The following CUX1 variants were observed in gnomAD, a reference collection of about 807,000 sequenced individuals.
The protein encoded by CUX1 is cut like homeobox 1.
CUX1 carries 31 observed loss-of-function variants against 158.8 expected under a neutral mutation model. The ratio of observed to expected loss-of-function variants is 0.20; its 90% CI spans 0.15 to 0.26. The LOEUF (loss-of-function observed/expected upper bound fraction) is 0.26. CUX1 is among the 10% of genes least tolerant of loss of function. CUX1 has a pLI of 1.00. For missense variants in CUX1, 1,589 were observed against 2,014.6 expected (o/e 0.79, Z 4.04); for synonymous variants, 879 against 862.1 (o/e 1.02, Z -0.34).
At chr7:101,897,320 C>T (rs941386269) in intron 1 of CUX1, among the ~76,000 whole-genome samples, 2 of 152,016 alleles carry the variant, frequency 1.3e-5, no homozygotes, top group African/African-American at 2.4e-5. Context: ...GGCAACATAT[C>T]GAGGCCTCAT....
chr7:102,123,811 T>C (rs1469959101), intron 8 of CUX1, among the ~76,000 whole-genome samples: 13 of 151,858 alleles, frequency 8.6e-5, no homozygotes, highest in Admixed American at 8.5e-4. Flanking sequence ...CACAGGTGTG[T>C]ACCACCACAC....
chr7:101,849,982 G>A (rs1258721739), intron 1 of CUX1, among the ~76,000 whole-genome samples: 2 of 146,618 alleles, frequency 1.4e-5, no homozygotes, highest in South Asian at 2.1e-4. Context: ...GCAGTGGCGC[G>A]ATCTAGATCT....
chr7:102,115,412 G>C lies in CUX1; in HGVS notation c.674+139G>C, dbSNP rs1554491522. On this transcript the variant is annotated intron_variant, in intron 8 of 23. Coordinates refer to ENST00000292535, the MANE Select transcript of CUX1 (RefSeq NM_181552.4). The stretch of plus-strand genomic sequence containing the variant: ...TATTTCCCATGAGTTACTTGCGTCG[G>C]TTCAATGCACGTTCTAGCACTCACT... The C allele has an allele frequency of 4.5e-6, 3 of 670,626 alleles. No homozygotes were observed. In the African/African-American group the frequency reaches 5.6e-5, roughly 12 times the overall value. 41.5% of individuals were successfully genotyped at this position (670,626 alleles called of 1,614,324 possible).
At chr7:101,859,365 G>A (rs1562937182) in intron 1 of CUX1, among the ~76,000 whole-genome samples, 1 of 152,312 alleles carries the variant, frequency 6.6e-6, no homozygotes, top group South Asian at 2.1e-4. Flanking sequence ...CTGAACCTGC[G>A]TGATTCAGCT....
chr7:102,201,434 G>A lies in CUX1; in HGVS notation c.2137G>A (p.Ala713Thr). Reference protein sequence around the residue: ...DDAIRSILQQARREMEAQQAA... With the variant: ...DDAIRSILQQTRREMEAQQAA... The stretch of plus-strand genomic sequence containing the variant: ...CGCCATCCGCTCCATCCTGCAGCAA[G>A]CCCGCCGGGAGATGGAGGCCCAGCA... The change falls in exon 18 of 24, where the codon GCC (alanine) becomes ACC (threonine). Residue 713 changes from alanine (A) to threonine (T), a missense_variant. Ala to Thr is a moderately conservative substitution (Grantham distance 58). Transcript: ENST00000292535. This position sits in a 1 kb window ranked among gnomAD's most constrained non-coding sequence, Gnocchi z 5.0. 6.2e-7 allele frequency: 1 copy of A among 1,614,098 alleles called. No individual in the cohort carries two copies. The highest frequency in any genetic ancestry group is 8.5e-7 in the Non-Finnish European group (1 of 1,180,030).
chr7:102,126,214 T>G (rs1056742921), intron 8 of CUX1, among the ~76,000 whole-genome samples: 2 of 151,394 alleles, frequency 1.3e-5, no homozygotes, highest in Non-Finnish European at 2.9e-5. Context: ...TGTGTGTGTA[T>G]TTTTTGTAGA....
intron 20 of CUX1, among the ~76,000 whole-genome samples, chr7:102,216,560 A>G (rs1554524640): frequency 1.1e-5 from 1 of 88,278 alleles, no homozygotes; most frequent in Non-Finnish European, 2.2e-5. Context: ...ACACACGCAC[A>G]CACACTCCCA....
intron 2 of CUX1, among the ~76,000 whole-genome samples, chr7:101,933,224 T>C (rs1271912804): frequency 6.6e-6 from 1 of 152,134 alleles, no homozygotes; most frequent in East Asian, 1.9e-4. Flanking sequence ...CCTTTTAAAA[T>C]GTCTGGCCTT....
At chr7:102,056,824 C>G (rs1036530133) in intron 3 of CUX1, among the ~76,000 whole-genome samples, 1 of 152,098 alleles carries the variant, frequency 6.6e-6, no homozygotes, top group African/African-American at 2.4e-5. Context: ...CTGCCTCAGC[C>G]TCCCAAAGTA....
chr7:102,044,560 C>T (rs1822517174), intron 3 of CUX1, among the ~76,000 whole-genome samples: 1 of 152,114 alleles, frequency 6.6e-6, no homozygotes, highest in African/African-American at 2.4e-5. Flanking sequence ...TCTTTCCAGC[C>T]TGCTCTTAAG....
intron 2 of CUX1, among the ~76,000 whole-genome samples, chr7:101,950,428 T>C (rs1252642717): frequency 6.6e-6 from 1 of 152,188 alleles, no homozygotes; most frequent in African/African-American, 2.4e-5. Context: ...AAAAAAAAAT[T>C]GTAGTAAAAT....
intron 7 of CUX1, among the ~76,000 whole-genome samples, chr7:102,112,217 T>G (rs1830971952): frequency 6.6e-6 from 1 of 151,664 alleles, no homozygotes; most frequent in Non-Finnish European, 1.5e-5. Flanking sequence ...GTTTTTACAG[T>G]ATCTTTAAAC....
intron 2 of CUX1, among the ~76,000 whole-genome samples, chr7:102,001,571 T>C (rs1186209999): frequency 6.6e-6 from 1 of 152,196 alleles, no homozygotes; most frequent in Non-Finnish European, 1.5e-5. Flanking sequence ...CTCGAACTCC[T>C]GACCTCAGGT....
intron 21 of CUX1, chr7:102,282,024 C>G: frequency 1.2e-6 from 1 of 803,652 alleles, no homozygotes; most frequent in Non-Finnish European, 2.2e-6. Context: ...GGGCCTACCC[C>G]AAGCTGCATC....
chr7:101,824,197 C>T (rs550034517), intron 1 of CUX1, among the ~76,000 whole-genome samples: 1 of 152,224 alleles, frequency 6.6e-6, no homozygotes, highest in Non-Finnish European at 1.5e-5. Context: ...AAGTGATTCT[C>T]GTGCCTCAGC....
Position 101,977,473 on chromosome 7 carries a change from T to A in CUX1, c.142-50625T>A, listed in dbSNP as rs545532264. Among the ~76,000 whole-genome samples, 4 of 152,118 alleles carry A rather than the reference T, an allele frequency of 2.6e-5. No individual in the cohort carries two copies. The South Asian group carries it at 8.3e-4, about 31-fold the overall frequency. ...CTGGACAGTGTAGCAAGACCCCATC[T>A]CTACCAAAAAATCAAAACTTTAGCC... is the stretch of plus-strand genomic sequence containing the variant. On this transcript the variant is annotated intron_variant, in intron 2 of 23. Coordinates refer to ENST00000292535, the MANE Select transcript of CUX1 (RefSeq NM_181552.4).
intron 6 of CUX1, among the ~76,000 whole-genome samples, chr7:102,105,977 C>G (rs1830301201): frequency 1.3e-5 from 2 of 151,688 alleles, no homozygotes; most frequent in Non-Finnish European, 2.9e-5. Context: ...AAATTTATGA[C>G]TACAGGTAAG....
At chr7:101,952,186 C>T (rs1222372351) in intron 2 of CUX1, among the ~76,000 whole-genome samples, 1 of 152,010 alleles carries the variant, frequency 6.6e-6, no homozygotes, top group African/African-American at 2.4e-5. Flanking sequence ...AGTTCAAGAC[C>T]AGCCTGGGCA....
At chr7:102,064,168 C>T (rs1441846940) in intron 3 of CUX1, among the ~76,000 whole-genome samples, 1 of 151,908 alleles carries the variant, frequency 6.6e-6, no homozygotes, top group Non-Finnish European at 1.5e-5. Context: ...CAGTGTCTAA[C>T]CGTCTCTAGA....
Sources: allele counts gnomAD v4.1 joint callset (sites outside exome capture counted in the v4.1 genomes callset), GRCh38; gene constraint gnomAD v4.1.1; non-coding constraint Gnocchi (gnomAD v3.1); transcripts MANE v1.5; gene names NCBI Gene and HGNC (gene_info 2026-07-23, HGNC 2026-07-21).